The following SULF2 variants were observed in gnomAD, a reference collection of about 807,000 sequenced individuals.
The protein encoded by SULF2 is extracellular sulfatase Sulf-2.
Under a neutral mutation model 107.7 loss-of-function variants are expected in SULF2, and 52 were observed. The ratio of observed to expected loss-of-function variants is 0.48; its 90% confidence interval spans 0.39 to 0.61. SULF2 has a LOEUF of 0.61. SULF2 is among the 20% of genes least tolerant of loss of function. The pLI, the probability that SULF2 is intolerant of heterozygous loss-of-function variation, is 0.00. For synonymous variants in SULF2, 460 were observed against 464.3 expected (o/e 0.99, Z 0.12); for missense variants, 993 against 1,177.3 (o/e 0.84, Z 2.29).
At chr20:47,710,499 G>A (rs1055891813) in intron 3 of SULF2, among the ~76,000 whole-genome samples, 1 of 151,786 alleles carries the variant, frequency 6.6e-6, no homozygotes, top group Non-Finnish European at 1.5e-5. Context: ...TGTGTAGTAG[G>A]CTATGCCATC....
rs368770942 is a variant in SULF2, at chr20:47,683,128, C to T, written c.930G>A (p.Thr310=). 1.0e-4 allele frequency: 163 copies of T among 1,611,704 alleles called. No individual in the cohort carries two copies. Among genetic ancestry groups the T allele is most frequent in the Middle Eastern group, 1.6e-4 (1 of 6,072 alleles). The change falls in exon 7 of 21, where the codon ACG becomes ACA. Residue 310 remains threonine, a synonymous_variant. Transcript: ENST00000688720. ...MLVETGELDN[T]YIVYTADHGY... ...CGTGGTCGGCGGTGTATACGATGTA[C>T]GTGTTGTCCAGCTCGCCCGTCTCAA...
intron 1 of SULF2, among the ~76,000 whole-genome samples, chr20:47,782,930 A>T (rs2090858138): frequency 6.6e-6 from 1 of 152,186 alleles, no homozygotes; most frequent in South Asian, 2.1e-4. Context: ...TACATCTGGG[A>T]CAAAGGCCAA....
intron 1 of SULF2, among the ~76,000 whole-genome samples, chr20:47,762,105 A>G (rs1361603861): frequency 6.6e-6 from 1 of 152,194 alleles, no homozygotes; most frequent in African/African-American, 2.4e-5. Flanking sequence ...TTTTCTTTTA[A>G]ATTACCCAGT....
chr20:47,684,056 A>G (rs1016811338), intron 6 of SULF2, among the ~76,000 whole-genome samples: 1 of 152,182 alleles, frequency 6.6e-6, no homozygotes, highest in East Asian at 1.9e-4. Flanking sequence ...AAATGTCCTA[A>G]CATGGATGTG....
intron 3 of SULF2, among the ~76,000 whole-genome samples, chr20:47,727,508 C>G (rs1288903082): frequency 6.6e-6 from 1 of 152,160 alleles, no homozygotes; most frequent in African/African-American, 2.4e-5. Flanking sequence ...TTCTAAGCCA[C>G]CCAGTCTGTG....
chr20:47,690,218 T>G lies in SULF2; in HGVS notation c.645A>C (p.Pro215=). The G allele has an allele frequency of 6.3e-7, 1 of 1,577,938 alleles. No individual in the cohort carries two copies. The highest frequency in any genetic ancestry group is 8.6e-7 in the Non-Finnish European group (1 of 1,159,062). Residue 215 remains proline (P), a synonymous_variant, in exon 5 of 21, where the codon CCA becomes CCC. Coordinates refer to ENST00000688720, the MANE Select transcript of SULF2 (RefSeq NM_001387048.1). The part of the protein sequence containing the change: ...RTSKKMYPHR[P]VLMVISHAAP... ...CTGCATGGCTGATGACCATGAGGAC[T>G]GGCCTGTGCGGGTACATCTTCTTGG...
At chr20:47,722,748 A>G (rs2089329268) in intron 3 of SULF2, among the ~76,000 whole-genome samples, 1 of 151,884 alleles carries the variant, frequency 6.6e-6, no homozygotes. Context: ...CCTGGCCAAT[A>G]TGGTGAAACC....
chr20:47,754,415 T>G (rs1050669063), intron 2 of SULF2, among the ~76,000 whole-genome samples: 3 of 152,230 alleles, frequency 2.0e-5, no homozygotes, highest in Admixed American at 6.5e-5. Flanking sequence ...GGACATGCAT[T>G]ATTGATCTGG....
rs1208317334 is a variant in SULF2, at chr20:47,684,629, A to T, written c.738-48T>A. 4.4e-6 allele frequency: 7 copies of T among 1,586,218 alleles called. No individual in the cohort carries two copies. The South Asian group carries it at 6.8e-5, about 15-fold the overall frequency. Reference sequence around the variant, plus strand: ...TCGGTCAAACCCAGGGACAGCCTGGACCCTGCCTGGCCCCCGCCAGACCCG... The same window carrying T: ...TCGGTCAAACCCAGGGACAGCCTGGTCCCTGCCTGGCCCCCGCCAGACCCG... On this transcript the variant is annotated intron_variant, in intron 5 of 20. Coordinates refer to ENST00000688720, the MANE Select transcript of SULF2 (RefSeq NM_001387048.1).
intron 2 of SULF2, among the ~76,000 whole-genome samples, chr20:47,740,938 A>G (rs1032863829): frequency 6.6e-6 from 1 of 152,018 alleles, no homozygotes; most frequent in Admixed American, 6.6e-5. Flanking sequence ...TACTTGGGCA[A>G]TCATCTTGGC....
intron 4 of SULF2, among the ~76,000 whole-genome samples, chr20:47,700,897 C>T (rs2088544940): frequency 2.6e-5 from 4 of 152,146 alleles, no homozygotes; most frequent in East Asian, 1.9e-4. Context: ...CCACCCGCCT[C>T]AGTCTCCCAA....
chr20:47,767,092 C>A (rs1296717325), intron 1 of SULF2, among the ~76,000 whole-genome samples: 1 of 152,204 alleles, frequency 6.6e-6, no homozygotes, highest in African/African-American at 2.4e-5. Flanking sequence ...GGATCTAGAG[C>A]TAGCCTGCCT....
chr20:47,676,658 C>T, intron 9 of SULF2, 35 bp from the exon 10 acceptor site: 1 of 1,546,752 alleles, frequency 6.5e-7, no homozygotes, highest in South Asian at 1.2e-5. Context: ...CGGGGCCGGC[C>T]TCTCAGCTCT....
chr20:47,761,268 T>C (rs747412418), intron 1 of SULF2, among the ~76,000 whole-genome samples: 4 of 152,310 alleles, frequency 2.6e-5, no homozygotes, highest in Admixed American at 6.5e-5. Flanking sequence ...AGACAGAAGA[T>C]GGCAGGGATG....
At chr20:47,713,767 T>A (rs1315409070) in intron 3 of SULF2, among the ~76,000 whole-genome samples, 1 of 149,952 alleles carries the variant, frequency 6.7e-6, no homozygotes, top group Non-Finnish European at 1.5e-5. Flanking sequence ...AAAAAAATAA[T>A]AAAAAACAAA....
chr20:47,747,115 A>G (rs1358171702), intron 2 of SULF2, among the ~76,000 whole-genome samples: 1 of 151,618 alleles, frequency 6.6e-6, no homozygotes, highest in Non-Finnish European at 1.5e-5. Context: ...CCTGTAACTC[A>G]ATCCAGAATA....
At chr20:47,715,411 G>A (rs1221408040) in intron 3 of SULF2, among the ~76,000 whole-genome samples, 2 of 152,084 alleles carry the variant, frequency 1.3e-5, no homozygotes, top group East Asian at 1.9e-4. Flanking sequence ...AGCCCCATGA[G>A]GGCAGCGGCT....
intron 1 of SULF2, among the ~76,000 whole-genome samples, chr20:47,758,657 T>C (rs184660314): frequency 6.6e-6 from 1 of 152,290 alleles, no homozygotes; most frequent in African/African-American, 2.4e-5. Context: ...AGCAGGTCTC[T>C]AATCTCGCCC....
intron 3 of SULF2, among the ~76,000 whole-genome samples, chr20:47,716,982 C>T (rs1352636194): frequency 6.6e-6 from 1 of 152,072 alleles, no homozygotes; most frequent in East Asian, 1.9e-4. Flanking sequence ...TGCACTTCAG[C>T]CTGGGTGACA....
Sources: allele counts gnomAD v4.1 joint callset (sites outside exome capture counted in the v4.1 genomes callset), GRCh38; gene constraint gnomAD v4.1.1; transcripts MANE v1.5; gene names NCBI Gene and HGNC (gene_info 2026-07-23, HGNC 2026-07-21).